The following KIR3DL2 variants were observed in gnomAD, a reference collection of about 807,000 sequenced individuals.
The protein encoded by KIR3DL2 is killer cell immunoglobulin like receptor, three Ig domains and long cytoplasmic tail 2.
Under a neutral mutation model 41.6 loss-of-function variants are expected in KIR3DL2, and 42 were observed. The ratio of observed to expected loss-of-function variants is 1.01; its 90% CI spans 0.79 to 1.31. The LOEUF is 1.31. Among genes scored for constraint, KIR3DL2 ranks in the 50% most tolerant of loss-of-function variants. KIR3DL2 has a pLI of 0.00. For synonymous variants in KIR3DL2, 230 were observed against 221.3 expected, an observed-to-expected ratio of 1.04 and a Z score of -0.35; for missense variants, 728 against 576.8, an observed-to-expected ratio of 1.26 and a Z score of -2.68.
intron 5 of KIR3DL2, among the ~76,000 whole-genome samples, chr19:54,856,500 C>G (rs62123370): frequency 7.2e-6 from 1 of 137,986 alleles, no homozygotes; most frequent in Non-Finnish European, 1.6e-5. Flanking sequence ...GGCCAACATG[C>G]GGGAAATTCA....
At chr19:54,850,961 TGGGCCTGGAGTGGAGATAG>T (rs2064173074) in intron 1 of KIR3DL2, among the ~76,000 whole-genome samples, 2 of 118,084 alleles carry the variant, frequency 1.7e-5, no homozygotes, top group African/African-American at 3.3e-5. Flanking sequence ...AGTGGAGATA[TGGGCCTGGAGTGGAGATAG>T]GGGCCTGGAG....
chr19:54,865,679 T>C, intron 6 of KIR3DL2, 126 bp from the exon 7 acceptor site: 1 of 796,070 alleles, frequency 1.3e-6, no homozygotes, highest in South Asian at 1.6e-5. Flanking sequence ...AAGCTGGGTC[T>C]CCCGCCATCA....
rs766720592 is a variant in KIR3DL2, at chr19:54,852,212, T to A, written c.285T>A (p.Cys95Ter). 1.2e-6 allele frequency: 2 copies of A among 1,611,800 alleles called. No homozygotes were observed. The highest frequency in any genetic ancestry group is 1.7e-5 in the Admixed American group (1 of 59,888). The change falls in exon 3 of 9, where the codon TGT becomes TGA. Residue 95 changes from cysteine to a stop codon, truncating the protein, a stop_gained. Coordinates refer to ENST00000326321, the MANE Select transcript of KIR3DL2 (RefSeq NM_006737.4). LOFTEE classifies it high-confidence loss of function. ...VTPAHAGTYR[C>*]RGSRPHSLTG... ...CAGCACATGCAGGGACCTACAGATG[T>A]CGGGGTTCACGCCCACACTCCCTCA...
intron 5 of KIR3DL2, 27 bp from the exon 6 acceptor site, chr19:54,859,052 T>G (rs1371439927): frequency 1.9e-6 from 3 of 1,612,486 alleles, no homozygotes; most frequent in Admixed American, 3.3e-5. Context: ...CCTCATTTCC[T>G]CACATCTCTC....
chr19:54,850,931 A>G (rs62123361), intron 1 of KIR3DL2, among the ~76,000 whole-genome samples: 3 of 36,334 alleles, frequency 8.3e-5, no homozygotes, highest in Non-Finnish European at 1.1e-4. Flanking sequence ...TATGGGTCTG[A>G]TGTGGAGATA....
At chr19:54,866,289 C>T (rs1329433101) in intron 7 of KIR3DL2, 81 bp from the exon 8 acceptor site, 3 of 1,437,286 alleles carry the variant, frequency 2.1e-6, no homozygotes, top group African/African-American at 2.8e-5. Flanking sequence ...TACAGCCTCC[C>T]CCTGTGGGTT....
At chr19:54,863,876 C>T (rs1301206042) in intron 6 of KIR3DL2, among the ~76,000 whole-genome samples, 1 of 152,042 alleles carries the variant, frequency 6.6e-6, no homozygotes, top group Non-Finnish European at 1.5e-5. Context: ...TCCCGTTTGT[C>T]AATTTTGGCT....
chr19:54,858,245 A>G (rs2064935432), intron 5 of KIR3DL2, among the ~76,000 whole-genome samples: 1 of 149,690 alleles, frequency 6.7e-6, no homozygotes, highest in African/African-American at 2.5e-5. Context: ...CTTCCCCATT[A>G]TTTTCTTCTA....
intron 6 of KIR3DL2, among the ~76,000 whole-genome samples, chr19:54,862,316 G>T (rs1245626882): frequency 1.3e-5 from 2 of 152,124 alleles, no homozygotes; most frequent in African/African-American, 4.8e-5. Flanking sequence ...GGTTGTGGAT[G>T]TAGAAACTGT....
chr19:54,853,688 G>C, intron 3 of KIR3DL2, 59 bp from the exon 4 acceptor site: 6 of 1,569,368 alleles, frequency 3.8e-6, no homozygotes, highest in Non-Finnish European at 5.2e-6. Context: ...CTCATTCCAG[G>C]TGCCATGGAT....
Position 54,855,682 on chromosome 19 carries a change from T to C in KIR3DL2, c.719T>C (p.Val240Ala), listed in dbSNP as rs2064695774. ...PGPTVQAGEN[V>A]TLSCSSWSSY... ...CCCACGGTTCAGGCAGGAGAGAACG[T>C]GACCTTGTCCTGTAGCTCCTGGAGC... The change falls in exon 5 of 9, where the codon GTG becomes GCG. Residue 240 changes from valine (V) to alanine (A), a missense_variant. Physicochemically the swap from Val to Ala is moderately conservative, Grantham distance 64. Coordinates refer to ENST00000326321, the MANE Select transcript of KIR3DL2 (RefSeq NM_006737.4). 1 of 1,613,404 alleles carries C rather than the reference T, an allele frequency of 6.2e-7. No individual in the cohort carries two copies. The highest frequency in any genetic ancestry group is 1.3e-5 in the African/African-American group (1 of 74,464).
chr19:54,855,511 A>C, intron 4 of KIR3DL2, 108 bp from the exon 5 acceptor site: 2 of 1,457,892 alleles, frequency 1.4e-6, no homozygotes, highest in Non-Finnish European at 1.8e-6. Context: ...GGTGAGAGAG[A>C]GAGAGAGCAT....
At position 54,867,150 on chromosome 19, in the gene KIR3DL2, A is replaced by T. The variant is rs1425088243; in HGVS notation, c.*419A>T. On this transcript the variant is annotated 3_prime_UTR_variant, in exon 9 of 9. Transcript: ENST00000326321. ...CTTCTGTCATCAGTAAAATTTATAA[A>T]TTTTTTTTATAACTTCAGTGTAGCT... The T allele has an allele frequency of 1.9e-5, 4 of 209,088 alleles. No individual in the cohort carries two copies. The highest frequency in any genetic ancestry group is 3.8e-5 in the Non-Finnish European group (4 of 106,110). 13.0% of individuals were successfully genotyped at this position (209,088 alleles called of 1,614,324 possible). A position where few individuals can be genotyped will look rare whatever the true frequency, so the allele number is the denominator to read the frequency against.
At chr19:54,851,350 C>A in intron 2 of KIR3DL2, 95 bp downstream of exon 2, 1 of 1,385,054 alleles carries the variant, frequency 7.2e-7, no homozygotes, top group Non-Finnish European at 1.0e-6. Context: ...CTCTCATAAA[C>A]TAGGAAGAGG....
Position 54,853,153 on chromosome 19 carries a change from A to T in KIR3DL2, c.356-594A>T, listed in dbSNP as rs771160324. Among the ~76,000 whole-genome samples, 742 of 151,702 alleles carry T rather than the reference A, an allele frequency of 4.9e-3. 5 individuals carry two copies. The highest frequency in any genetic ancestry group is 7.1e-3 in the Non-Finnish European group (482 of 67,956). ...TAATTAAAGAAACCAAACAAGGAGA[A>T]GGTTGGCTACCGTGGGATCAGCAAG... On this transcript the variant is annotated intron_variant, in intron 3 of 8. Coordinates refer to ENST00000326321, the MANE Select transcript of KIR3DL2 (RefSeq NM_006737.4).
At chr19:54,851,927 T>A in intron 2 of KIR3DL2, 71 bp from the exon 3 acceptor site, 7 of 1,567,846 alleles carry the variant, frequency 4.5e-6, no homozygotes, top group South Asian at 1.1e-5. Flanking sequence ...AATGGGAGAA[T>A]CTTCTGAGCA....
At chr19:54,860,662 A>C (rs1366506045) in intron 6 of KIR3DL2, among the ~76,000 whole-genome samples, 13 of 151,898 alleles carry the variant, frequency 8.6e-5, no homozygotes, top group Non-Finnish European at 1.5e-4. Flanking sequence ...GGCATGAGCC[A>C]CGGGGCCAAG....
chr19:54,864,545 T>A (rs2065378668), intron 6 of KIR3DL2, among the ~76,000 whole-genome samples: 1 of 152,054 alleles, frequency 6.6e-6, no homozygotes, highest in Non-Finnish European at 1.5e-5. Flanking sequence ...AGCAGTGGTT[T>A]GTAGTTCTCC....
chr19:54,865,757 G>A, intron 6 of KIR3DL2, 48 bp from the exon 7 acceptor site: 1 of 1,477,660 alleles, frequency 6.8e-7, no homozygotes, highest in South Asian at 1.1e-5. Flanking sequence ...AATCCATAAA[G>A]AGGAACTGCT....
Sources: allele counts gnomAD v4.1 joint callset (sites outside exome capture counted in the v4.1 genomes callset), GRCh38; gene constraint gnomAD v4.1.1; transcripts MANE v1.5; gene names NCBI Gene and HGNC (gene_info 2026-07-23, HGNC 2026-07-21).